The following ITGA2 variants were observed in gnomAD, a reference collection of about 807,000 sequenced individuals.
The protein encoded by ITGA2 is integrin subunit alpha 2.
A neutral mutation model predicts 146.3 loss-of-function variants in ITGA2; 101 were observed. The ratio of observed to expected loss-of-function variants is 0.69; its 90% confidence interval spans 0.59 to 0.81. The LOEUF (loss-of-function observed/expected upper bound fraction) is 0.81, where lower values mean the gene tolerates loss of function less well. Among genes scored for constraint, ITGA2 ranks in the 40% least tolerant of loss-of-function variants. The pLI, the probability that ITGA2 is intolerant of heterozygous loss-of-function variation, is 0.00. For synonymous variants in ITGA2, 477 were observed against 487.1 expected (o/e 0.98, Z 0.27); for missense variants, 1,281 against 1,402.7 (o/e 0.91, Z 1.39).
chr5:53,011,746 T>G (rs1742142956), intron 1 of ITGA2, among the ~76,000 whole-genome samples: 2 of 147,090 alleles, frequency 1.4e-5, no homozygotes, highest in African/African-American at 5.1e-5. Context: ...TGGGGGGGAG[T>G]GAGGGGAGTG....
chr5:53,074,960 C>G, intron 21 of ITGA2, 101 bp from the exon 22 acceptor site: 1 of 789,274 alleles, frequency 1.3e-6, no homozygotes, highest in Non-Finnish European at 2.2e-6. Context: ...AATTCAGAAT[C>G]AAATTTGAGT....
Position 53,086,993 on chromosome 5 carries a change from C to T in ITGA2, c.3300C>T (p.Ile1100=). 2 of 1,613,846 alleles carry T rather than the reference C, an allele frequency of 1.2e-6. No homozygotes were observed. The highest frequency in any genetic ancestry group is 1.7e-6 in the Non-Finnish European group (2 of 1,179,836). The change falls in exon 28 of 30, where the codon ATC becomes ATT. Residue 1100 remains isoleucine (I), a synonymous_variant. Transcript: ENST00000296585. ...QTVQLTAAAE[I]NTYNPEIYVI... Reference sequence around the variant, plus strand: ...TACAGCTAACGGCAGCTGCAGAAATCAACACCTATAACCCTGAGATATATG... The same window carrying T: ...TACAGCTAACGGCAGCTGCAGAAATTAACACCTATAACCCTGAGATATATG...
At position 52,989,505 on chromosome 5, in the gene ITGA2, C is replaced by T. The variant is rs1161295503; in HGVS notation, c.37C>T (p.Leu13=). ...PERTGAAPLP[L]LLVLALSQGI... is the part of the protein sequence containing the mutation. ...ACGGACAGGGGCCGCGCCGCTGCCG[C>T]TGCTGCTGGTGTTAGCGCTCAGTCA... The change falls in exon 1 of 30, where the codon CTG becomes TTG. Residue 13 remains leucine, a synonymous_variant. Coordinates refer to ENST00000296585, the MANE Select transcript of ITGA2 (RefSeq NM_002203.4). The T allele has an allele frequency of 1.1e-5, 17 of 1,613,572 alleles. No homozygotes were observed. Among genetic ancestry groups the T allele is most frequent in the Non-Finnish European group, 1.4e-5 (17 of 1,179,838 alleles).
chr5:53,055,595 A>G lies in ITGA2; in HGVS notation c.837A>G (p.Val279=), dbSNP rs1744591128. ...GGRRSATKVM[V]VVTDGESHDG... Reference sequence around the variant, plus strand: ...GACGAAGTGCTACGAAAGTAATGGTAGTTGTAACTGACGGTGAATCACATG... The same window carrying G: ...GACGAAGTGCTACGAAAGTAATGGTGGTTGTAACTGACGGTGAATCACATG... The change falls in exon 8 of 30, where the codon GTA becomes GTG. Residue 279 remains valine, a synonymous_variant. Transcript: ENST00000296585. The G allele has an allele frequency of 1.2e-6, 2 of 1,613,120 alleles. No individual in the cohort carries two copies. Among genetic ancestry groups the G allele is most frequent in the East Asian group, 2.2e-5 (1 of 44,860 alleles).
chr5:53,085,419 T>C (rs540609636), intron 27 of ITGA2, among the ~76,000 whole-genome samples: 1 of 152,318 alleles, frequency 6.6e-6, no homozygotes, highest in Non-Finnish European at 1.5e-5. Flanking sequence ...TGCAGGATAT[T>C]GTATGCCTGT....
At chr5:52,989,680 T>G (rs3733880) in intron 1 of ITGA2, 148 bp downstream of exon 1, 17,271 of 829,214 alleles carry the variant, frequency 0.021, 607 homozygotes, top group East Asian at 0.14. Context: ...CACCAGGACC[T>G]GCTTGGAAAG....
chr5:53,010,774 A>G (rs1393314482), intron 1 of ITGA2, among the ~76,000 whole-genome samples: 2 of 152,204 alleles, frequency 1.3e-5, no homozygotes, highest in Non-Finnish European at 2.9e-5. Context: ...CCAAAAAGAT[A>G]TGTCCATGTC....
chr5:53,013,091 GC>G (rs898799236), intron 1 of ITGA2, among the ~76,000 whole-genome samples: 1 of 152,100 alleles, frequency 6.6e-6, no homozygotes, highest in African/African-American at 2.4e-5. Flanking sequence ...CTGTACAGAA[GC>G]TTTTTAGTTT....
intron 16 of ITGA2, 56 bp from the exon 17 acceptor site, chr5:53,070,053 C>G: frequency 6.9e-7 from 1 of 1,443,820 alleles, no homozygotes; most frequent in Non-Finnish European, 9.7e-7. Flanking sequence ...AGCAAAGATG[C>G]TTTTTCCTAT....
chr5:53,051,708 G>A, intron 7 of ITGA2, 149 bp downstream of exon 7: 1 of 817,966 alleles, frequency 1.2e-6, no homozygotes, highest in Non-Finnish European at 2.0e-6. Context: ...AAACATCAGA[G>A]CATTCTATGT....
intron 1 of ITGA2, among the ~76,000 whole-genome samples, chr5:53,010,967 A>G (rs1040168520): frequency 6.6e-6 from 1 of 152,088 alleles, no homozygotes; most frequent in Admixed American, 6.6e-5. Context: ...GACCACAGAC[A>G]TAGAGATTGG....
chr5:53,080,537 C>T lies in ITGA2; in HGVS notation c.2955C>T (p.Ser985=). ...LKVTTGSVPV[S]MATVIIHIPQ... ...TAACAACAGGAAGTGTTCCAGTAAG[C>T]ATGGCAACTGTAATCATCCACATCC... Residue 985 remains serine, a synonymous_variant, in exon 25 of 30, where the codon AGC becomes AGT. Coordinates refer to ENST00000296585, the MANE Select transcript of ITGA2 (RefSeq NM_002203.4). 6.2e-7 allele frequency: 1 copy of T among 1,613,504 alleles called. No individual in the cohort carries two copies. Among genetic ancestry groups the T allele is most frequent in the African/African-American group, 1.3e-5 (1 of 74,980 alleles).
intron 1 of ITGA2, among the ~76,000 whole-genome samples, chr5:53,018,203 C>T (rs1041949495): frequency 6.6e-6 from 1 of 152,190 alleles, no homozygotes; most frequent in Non-Finnish European, 1.5e-5. Context: ...AGGCTAAAGT[C>T]TCCTATAGGA....
At chr5:53,079,796 C>G (rs1473627162) in intron 24 of ITGA2, among the ~76,000 whole-genome samples, 2 of 152,090 alleles carry the variant, frequency 1.3e-5, no homozygotes, top group Non-Finnish European at 2.9e-5. Flanking sequence ...TATACACCAG[C>G]CATGGTATCA....
At chr5:53,023,045 C>T (rs534648104) in intron 1 of ITGA2, among the ~76,000 whole-genome samples, 7 of 152,300 alleles carry the variant, frequency 4.6e-5, no homozygotes, top group East Asian at 1.9e-4. Context: ...ACTGTCAACA[C>T]GTGTCTGACA....
intron 28 of ITGA2, chr5:53,088,979 A>C (rs1447464175): frequency 1.3e-5 from 2 of 152,206 alleles, no homozygotes; most frequent in African/African-American, 4.8e-5. Context: ...TGTGGAAAAG[A>C]GAGAAGTAGG....
rs772635811 is a variant in ITGA2, at chr5:53,066,048, C to T, written c.1943+71C>T. On this transcript the variant is annotated intron_variant, in intron 15 of 29. Transcript: ENST00000296585. ...TAAGAAAGCAGAACAGATGTCTGTA[C>T]TGGTATTATAGAAATGCCACATGCA... is the stretch of plus-strand genomic sequence containing the variant. 4.2e-6 allele frequency: 6 copies of T among 1,415,574 alleles called. No homozygotes were observed. The Admixed American group carries it at 1.0e-4, about 24-fold the overall frequency. 87.7% of individuals were successfully genotyped at this position (1,415,574 alleles called of 1,614,324 possible). A position where few individuals can be genotyped will look rare whatever the true frequency, so the allele number is the denominator to read the frequency against.
intron 1 of ITGA2, among the ~76,000 whole-genome samples, chr5:53,018,218 G>A (rs752271023): frequency 1.5e-4 from 23 of 152,176 alleles, no homozygotes; most frequent in Admixed American, 7.9e-4. Flanking sequence ...ATAGGAGCAC[G>A]GCAGGCCTTG....
chr5:53,002,455 A>T (rs1432952516), intron 1 of ITGA2, among the ~76,000 whole-genome samples: 4 of 152,172 alleles, frequency 2.6e-5, no homozygotes, highest in Non-Finnish European at 5.9e-5. Flanking sequence ...ATATGAATAT[A>T]ATCTTTTCAT....
Sources: allele counts gnomAD v4.1 joint callset (sites outside exome capture counted in the v4.1 genomes callset), GRCh38; gene constraint gnomAD v4.1.1; transcripts MANE v1.5; gene names NCBI Gene and HGNC (gene_info 2026-07-23, HGNC 2026-07-21).